The following PPARGC1A variants were observed in gnomAD, a reference collection of about 807,000 sequenced individuals.
The protein encoded by PPARGC1A is peroxisome proliferator-activated receptor gamma coactivator 1-alpha.
Under a neutral mutation model 88.7 loss-of-function variants are expected in PPARGC1A, and 25 were observed. The ratio of observed to expected loss-of-function variants is 0.28; its 90% CI spans 0.21 to 0.39. The LOEUF is 0.39. PPARGC1A is among the 10% of genes least tolerant of loss of function. The pLI is 1.00. For missense variants in PPARGC1A, 880 were observed against 968.7 expected (o/e 0.91, Z 1.22); for synonymous variants, 363 against 355.6 (o/e 1.02, Z -0.24).
chr4:24,151,803 C>T, the PPARGC1A span, among the ~76,000 whole-genome samples: 114 of 152,280 alleles, frequency 7.5e-4, no homozygotes, highest in African/African-American at 2.5e-3. Flanking sequence ...CTCAACTTAA[C>T]ACTATGGCAT....
At chr4:24,229,671 T>A in the PPARGC1A span, among the ~76,000 whole-genome samples, 11,828 of 150,938 alleles carry the variant, frequency 0.078, 653 homozygotes, top group African/African-American at 0.15. Flanking sequence ...TGTCTCTACA[T>A]AAAATAAAGA....
At chr4:24,390,645 G>A in the PPARGC1A span, among the ~76,000 whole-genome samples, 31 of 151,930 alleles carry the variant, frequency 2.0e-4, no homozygotes, top group Admixed American at 2.0e-3. Flanking sequence ...CTGGGATACT[G>A]TGTACGCTGC....
chr4:24,293,424 A>C, the PPARGC1A span, among the ~76,000 whole-genome samples: 10 of 2,216 alleles, frequency 4.5e-3, no homozygotes, highest in East Asian at 0.011. Context: ...CAGCCTCACC[A>C]CTGCCTGTGC....
the PPARGC1A span, among the ~76,000 whole-genome samples, chr4:24,222,092 C>G: frequency 6.6e-6 from 1 of 152,166 alleles, no homozygotes; most frequent in Non-Finnish European, 1.5e-5. Flanking sequence ...CAAAAGATAT[C>G]ATCATGATGT....
At chr4:24,185,174 C>G in the PPARGC1A span, among the ~76,000 whole-genome samples, 1 of 152,122 alleles carries the variant, frequency 6.6e-6, no homozygotes, top group African/African-American at 2.4e-5. Context: ...ACATTTTTCC[C>G]TCATGAAATA....
At chr4:24,180,410 T>C in the PPARGC1A span, among the ~76,000 whole-genome samples, 3 of 152,194 alleles carry the variant, frequency 2.0e-5, no homozygotes, top group Non-Finnish European at 4.4e-5. Context: ...AAAATGTATA[T>C]ATTCATCTGT....
chr4:24,468,918 C>A, the PPARGC1A span, among the ~76,000 whole-genome samples: 1 of 152,080 alleles, frequency 6.6e-6, no homozygotes, highest in Non-Finnish European at 1.5e-5. Flanking sequence ...CAGAAAGGTT[C>A]CTTTTACATG....
chr4:24,173,531 A>G, the PPARGC1A span, among the ~76,000 whole-genome samples: 1 of 152,128 alleles, frequency 6.6e-6, no homozygotes, highest in Non-Finnish European at 1.5e-5. Context: ...ACTCTGTTGC[A>G]ACAACAACAA....
the PPARGC1A span, among the ~76,000 whole-genome samples, chr4:23,948,684 A>G: frequency 6.6e-6 from 1 of 152,278 alleles, no homozygotes; most frequent in South Asian, 2.1e-4. Flanking sequence ...ATTCCACTTC[A>G]TGCCTGTGGA....
the PPARGC1A span, among the ~76,000 whole-genome samples, chr4:23,910,845 G>A: frequency 6.6e-6 from 1 of 152,054 alleles, no homozygotes; most frequent in African/African-American, 2.4e-5. Flanking sequence ...AACTGAGGCA[G>A]AGAATTAAGT....
the PPARGC1A span, among the ~76,000 whole-genome samples, chr4:24,088,129 A>C: frequency 2.0e-5 from 3 of 152,186 alleles, no homozygotes; most frequent in Non-Finnish European, 4.4e-5. Context: ...CAAGAGGATC[A>C]CTTGAGCCCA....
chr4:24,059,212 A>G, the PPARGC1A span, among the ~76,000 whole-genome samples: 13 of 152,254 alleles, frequency 8.5e-5, no homozygotes, highest in Non-Finnish European at 1.2e-4. Flanking sequence ...GCAAAATGTA[A>G]AAGTGTGCTT....
At chr4:23,865,426 G>C (rs1027794972) in intron 2 of PPARGC1A, among the ~76,000 whole-genome samples, 1 of 152,072 alleles carries the variant, frequency 6.6e-6, no homozygotes, top group African/African-American at 2.4e-5. Flanking sequence ...CATAACCAAG[G>C]GTAGTGATTG....
the PPARGC1A span, chr4:24,258,307 C>T: frequency 4.5e-6 from 2 of 444,598 alleles, no homozygotes; most frequent in South Asian, 9.5e-5. Context: ...CCCCACTTTG[C>T]AGATGGGGAT....
At chr4:24,287,598 T>TTG in the PPARGC1A span, among the ~76,000 whole-genome samples, 1 of 148,168 alleles carries the variant, frequency 6.7e-6, no homozygotes, top group African/African-American at 2.5e-5. Flanking sequence ...AACCAAGAGC[T>TTG]CCCATTTCAG....
the PPARGC1A span, among the ~76,000 whole-genome samples, chr4:24,396,235 AG>A: frequency 6.6e-6 from 1 of 152,168 alleles, no homozygotes; most frequent in African/African-American, 2.4e-5. Flanking sequence ...CCAAACCCTT[AG>A]AGCAAGTGCA....
chr4:23,804,534 G>A (rs574892024), intron 10 of PPARGC1A, among the ~76,000 whole-genome samples: 1 of 152,246 alleles, frequency 6.6e-6, no homozygotes, highest in South Asian at 2.1e-4. Context: ...AAGGAAACAG[G>A]AATCCAATGA....
the PPARGC1A span, among the ~76,000 whole-genome samples, chr4:24,028,025 G>A: frequency 0.02 from 3,058 of 152,102 alleles, 98 homozygotes; most frequent in African/African-American, 0.071. Context: ...AGGAGACTGA[G>A]GCTTGGAAAA....
chr4:24,040,998 C>A, the PPARGC1A span, among the ~76,000 whole-genome samples: 1 of 152,134 alleles, frequency 6.6e-6, no homozygotes, highest in African/African-American at 2.4e-5. Context: ...CTAAACTGCT[C>A]AAGTTATTAT....
Sources: allele counts gnomAD v4.1 joint callset (sites outside exome capture counted in the v4.1 genomes callset), GRCh38; gene constraint gnomAD v4.1.1; transcripts MANE v1.5; gene names NCBI Gene and HGNC (gene_info 2026-07-23, HGNC 2026-07-21).